Variants in RBFOX3 observed in about 807,000 individuals in gnomAD.
The protein encoded by RBFOX3 is RNA binding fox-1 homolog 3, also known as RNA binding protein fox-1 homolog 3.
In RBFOX3, 17 loss-of-function variants were observed where a neutral mutation model predicts 48.7. The observed-to-expected ratio is 0.35, with a 90% CI of 0.24 to 0.52. The LOEUF is 0.52. RBFOX3 is among the 20% of genes least tolerant of loss of function. RBFOX3 has a pLI of 0.94. For synonymous variants in RBFOX3, 212 were observed against 209.5 expected (o/e 1.01, Z -0.10); for missense variants, 382 against 497.5 (o/e 0.77, Z 2.21).
At chr17:79,096,624 ACCCT>A in intron 12 of RBFOX3, 25 bp downstream of exon 12, 3 of 916,502 alleles carry the variant, frequency 3.3e-6, no homozygotes, top group Non-Finnish European at 5.1e-6. Flanking sequence ...GCCTGATCCC[ACCCT>A]CCCTCCCGGC....
At position 79,511,922 on chromosome 17, in the gene RBFOX3, C is replaced by T. The variant is rs903983037; in HGVS notation, c.-319-29324G>A. Among the ~76,000 whole-genome samples, 21 of 144,248 alleles carry T rather than the reference C, an allele frequency of 1.5e-4. No homozygotes were observed. The East Asian group carries it at 3.5e-3, about 24-fold the overall frequency. The allele number at this position is 144,248 out of a possible 152,430, so 94.6% of individuals were successfully genotyped here. On this transcript the variant is annotated intron_variant, in intron 1 of 14. Coordinates refer to ENST00000693108, the MANE Select transcript of RBFOX3 (RefSeq NM_001350451.2). ...GCCCCATGGCCAGGGGACACCCACC[C>T]GGATACGTGTTACCATCGGATACAG...
At chr17:79,427,892 TC>T in intron 2 of RBFOX3, among the ~76,000 whole-genome samples, 1 of 152,368 alleles carries the variant, frequency 6.6e-6, no homozygotes, top group East Asian at 1.9e-4. Flanking sequence ...ATGCTTTGTC[TC>T]CCAGCCACTT....
At chr17:79,653,053 G>C in the RBFOX3 span, among the ~76,000 whole-genome samples, 8 of 152,120 alleles carry the variant, frequency 5.3e-5, no homozygotes, top group African/African-American at 1.9e-4. Context: ...CGAAATTCTA[G>C]GTAAAAATAA....
chr17:79,489,604 TTTTTTTA>T (rs1450285534), intron 1 of RBFOX3, among the ~76,000 whole-genome samples: 1 of 152,174 alleles, frequency 6.6e-6, no homozygotes, highest in Non-Finnish European at 1.5e-5. Context: ...CCAACATTCA[TTTTTTTA>T]AAACCATGGA....
intron 2 of RBFOX3, among the ~76,000 whole-genome samples, chr17:79,352,098 G>T (rs1380048281): frequency 6.6e-6 from 1 of 152,124 alleles, no homozygotes; most frequent in African/African-American, 2.4e-5. Flanking sequence ...TCTGTGTCCT[G>T]CCTTTTCCTC....
At chr17:79,170,529 G>C (rs1037618293) in intron 4 of RBFOX3, among the ~76,000 whole-genome samples, 1 of 152,060 alleles carries the variant, frequency 6.6e-6, no homozygotes. Context: ...CATCCACCAC[G>C]CGTCTGCACC....
At chr17:79,166,570 G>A (rs2048055069) in intron 4 of RBFOX3, among the ~76,000 whole-genome samples, 1 of 152,152 alleles carries the variant, frequency 6.6e-6, no homozygotes, top group Admixed American at 6.5e-5. Flanking sequence ...CTCAGGGAAG[G>A]TGAAGGCCCA....
At chr17:79,342,984 G>C (rs1444798987) in intron 2 of RBFOX3, among the ~76,000 whole-genome samples, 1 of 151,502 alleles carries the variant, frequency 6.6e-6, no homozygotes, top group Middle Eastern at 3.4e-3. Flanking sequence ...AAGAGCGAGA[G>C]AGAGAGAGAG....
rs74000039 is a variant in RBFOX3, at chr17:79,402,152, G to A, written c.-175+80302C>T. The stretch of plus-strand genomic sequence containing the variant: ...ATGGCACCACTCAAGGAGAAAAGGG[G>A]TCTCTGGAGAGAGAAGAAGGGAAGG... On this transcript the variant is annotated intron_variant, in intron 2 of 14. Transcript: ENST00000693108. Among the ~76,000 whole-genome samples the A allele has an allele frequency of 2.3e-3, 354 of 152,352 alleles. 1 individual carries two copies. The highest frequency in any genetic ancestry group is 7.9e-3 in the African/African-American group (330 of 41,594).
chr17:79,356,323 AC>A (rs1250548884), intron 2 of RBFOX3, among the ~76,000 whole-genome samples: 1 of 107,244 alleles, frequency 9.3e-6, no homozygotes, highest in African/African-American at 3.6e-5. Flanking sequence ...TGAGGCACGT[AC>A]TTTTTCACTT....
At chr17:79,567,335 C>T (rs892039802) in intron 1 of RBFOX3, among the ~76,000 whole-genome samples, 1 of 151,954 alleles carries the variant, frequency 6.6e-6, no homozygotes, top group Non-Finnish European at 1.5e-5. Flanking sequence ...AGGTGCCCAC[C>T]ACTATGCCCA....
At chr17:79,117,072 G>A (rs2034217278) in intron 4 of RBFOX3, among the ~76,000 whole-genome samples, 1 of 152,220 alleles carries the variant, frequency 6.6e-6, no homozygotes, top group South Asian at 2.1e-4. Flanking sequence ...GCAGGCGGAG[G>A]CGGCAGAGGG....
chr17:79,509,695 C>T lies in RBFOX3; in HGVS notation c.-319-27097G>A, dbSNP rs981445543. On this transcript the variant is annotated intron_variant, in intron 1 of 14. Transcript: ENST00000693108. ...CCCTTCCTTTCCCTCCGTCATCCAT[C>T]AGCCGTCGCACCCCAGGCCCTCGGT... 1.2e-3 allele frequency among the ~76,000 whole-genome samples: 179 copies of T among 152,136 alleles called. 2 individuals carry two copies. The East Asian group carries it at 0.029, about 25-fold the overall frequency.
chr17:79,376,937 C>A (rs1278438993), intron 2 of RBFOX3, among the ~76,000 whole-genome samples: 1 of 152,118 alleles, frequency 6.6e-6, no homozygotes, highest in African/African-American at 2.4e-5. Context: ...CCACCCCAGC[C>A]TGGAGCCCGA....
At chr17:79,227,410 G>A (rs1274530300) in intron 4 of RBFOX3, among the ~76,000 whole-genome samples, 1 of 152,206 alleles carries the variant, frequency 6.6e-6, no homozygotes, top group Non-Finnish European at 1.5e-5. Flanking sequence ...ACCCCTAAGA[G>A]GGGGTGAGTA....
chr17:79,357,814 T>A (rs2085485871), intron 2 of RBFOX3, among the ~76,000 whole-genome samples: 1 of 151,540 alleles, frequency 6.6e-6, no homozygotes, highest in African/African-American at 2.4e-5. Flanking sequence ...TTTTTTTTTA[T>A]TTACTGCTTT....
intron 4 of RBFOX3, among the ~76,000 whole-genome samples, chr17:79,225,247 G>T (rs1006443265): frequency 6.7e-6 from 1 of 149,588 alleles, no homozygotes; most frequent in Non-Finnish European, 1.5e-5. Context: ...GGCATCTCTC[G>T]CTGGCCAGTC....
chr17:79,092,957 A>AG (rs55907503), intron 14 of RBFOX3, among the ~76,000 whole-genome samples: 43,605 of 151,946 alleles, frequency 0.29, 6,979 homozygotes, highest in African/African-American at 0.43. Flanking sequence ...CCTTATGCAG[A>AG]GGGGGGGTCC....
intron 2 of RBFOX3, among the ~76,000 whole-genome samples, chr17:79,444,801 TTATATATATGCAAA>T (rs1555737164): frequency 6.6e-6 from 1 of 152,078 alleles, no homozygotes; most frequent in Non-Finnish European, 1.5e-5. Context: ...ATATAGTCAG[TTATATATATGCAAA>T]TATATATATG....
Sources: allele counts gnomAD v4.1 joint callset (sites outside exome capture counted in the v4.1 genomes callset), GRCh38; gene constraint gnomAD v4.1.1; transcripts MANE v1.5; gene names NCBI Gene and HGNC (gene_info 2026-07-23, HGNC 2026-07-21).